Variants in DNAH7 observed in about 807,000 individuals in gnomAD.
DNAH7 encodes the protein axonemal beta dynein heavy chain 7.
A neutral mutation model predicts 444.6 loss-of-function variants in DNAH7; 397 were observed. The ratio of observed to expected loss-of-function variants is 0.89; its 90% CI spans 0.82 to 0.97. The LOEUF (loss-of-function observed/expected upper bound fraction) is 0.97. Ranked by LOEUF, DNAH7 falls within the 50% of genes least tolerant of loss-of-function variation. DNAH7 has a pLI of 0.00. For synonymous variants in DNAH7, 1,636 were observed against 1,624.4 expected (o/e 1.01, Z -0.17); for missense variants, 4,902 against 4,800.8 (o/e 1.02, Z -0.62).
At position 195,799,374 on chromosome 2, in the gene DNAH7, G is replaced by GTGC; in HGVS notation, c.10274_10275insGCA (p.Asn3425delinsLysHis). The GTGC allele has an allele frequency of 6.2e-7, 1 of 1,612,804 alleles. No individual in the cohort carries two copies. Among genetic ancestry groups the GTGC allele is most frequent in the Non-Finnish European group, 8.5e-7 (1 of 1,179,406 alleles). On this transcript the variant is annotated protein_altering_variant, in exon 55 of 65. Transcript: ENST00000312428. ...GCACGAAAATCAGTGGTGCACAGCAGTTACTGTCTCCAAATGCCTTGGCTA... is the reference window on the plus strand; with the variant it reads ...GCACGAAAATCAGTGGTGCACAGCAGTGCTTACTGTCTCCAAATGCCTTGGCTA...
rs180924639 is a variant in DNAH7, at chr2:195,954,028, T to A, written c.3078+3233A>T. Among the ~76,000 whole-genome samples the A allele has an allele frequency of 7.0e-4, 106 of 152,322 alleles. 1 individual carries two copies. In the Middle Eastern group the frequency reaches 0.02, roughly 29 times the overall value. ...GAGAAAGACAATCGAGTCTTTTTTT[T>A]AAATTTTATTAATTATACTTTAAGT... On this transcript the variant is annotated intron_variant, in intron 19 of 64. Transcript: ENST00000312428.
chr2:195,797,842 G>T (rs1320869577), intron 55 of DNAH7, among the ~76,000 whole-genome samples: 1 of 152,158 alleles, frequency 6.6e-6, no homozygotes. Context: ...GTGGCCTCCA[G>T]AGACCCTACA....
In DNAH7 at chr2:195,787,149, T is replaced by C. The variant is rs754161155; in HGVS notation, c.10739A>G (p.Tyr3580Cys). Residue 3580 changes from tyrosine to cysteine, a missense_variant, in exon 58 of 65, where the codon TAT (tyrosine) becomes TGT (cysteine). Physicochemically the swap from Tyr to Cys is radical, Grantham distance 194 (BLOSUM62 -2). Transcript: ENST00000312428. Reference protein sequence around the residue: ...KKPEEFKKLLYGLCFFHALVQ... With the variant: ...KKPEEFKKLLCGLCFFHALVQ... Reference sequence around the variant, plus strand: ...CAAAGCATGAAAGAAACACAGGCCATAAAGCAATTTCTTGAATTCCTCCTG... The same window carrying C: ...CAAAGCATGAAAGAAACACAGGCCACAAAGCAATTTCTTGAATTCCTCCTG... The C allele has an allele frequency of 1.2e-6, 2 of 1,600,520 alleles. No individual in the cohort carries two copies. Among genetic ancestry groups the C allele is most frequent in the African/African-American group, 1.4e-5 (1 of 74,014 alleles).
intron 2 of DNAH7, among the ~76,000 whole-genome samples, chr2:196,056,609 A>C (rs1697825037): frequency 6.6e-6 from 1 of 151,994 alleles, no homozygotes; most frequent in Admixed American, 6.6e-5. Context: ...GATAAATGCT[A>C]TTCCTTGACC....
Position 195,809,747 on chromosome 2 carries a change from C to T in DNAH7, c.9886G>A (p.Ala3296Thr), listed in dbSNP as rs1696875976. ...LTINLLLHER[A>T]INKAEWRFLL... The stretch of plus-strand genomic sequence containing the variant: ...TTACAAATGAAAACAGTACTGACCG[C>T]CCGCTCATGCAGCAGTAGATTTATG... Residue 3296 changes from alanine to threonine, a missense_variant and splice_region_variant, in exon 52 of 65, where the codon GCG becomes ACG. Physicochemically the swap from Ala to Thr is moderately conservative, Grantham distance 58. Transcript: ENST00000312428. 6.3e-7 allele frequency: 1 copy of T among 1,579,392 alleles called. No individual in the cohort carries two copies. The highest frequency in any genetic ancestry group is 1.4e-5 in the African/African-American group (1 of 73,320).
intron 61 of DNAH7, among the ~76,000 whole-genome samples, chr2:195,763,025 A>C (rs560680185): frequency 6.6e-6 from 1 of 152,328 alleles, no homozygotes; most frequent in African/African-American, 2.4e-5. Flanking sequence ...CTCTGACTAC[A>C]TGGAATAAAA....
At chr2:195,870,254 A>G (rs531412003) in intron 40 of DNAH7, among the ~76,000 whole-genome samples, 2 of 152,262 alleles carry the variant, frequency 1.3e-5, no homozygotes, top group South Asian at 4.2e-4. Context: ...GTAAGCCCCA[A>G]ATTTAGAAGG....
At chr2:195,994,359 AG>A in intron 12 of DNAH7, 1 of 662,578 alleles carries the variant, frequency 1.5e-6, no homozygotes. Context: ...CTCTTGCAGC[AG>A]GGGAGGCAGT....
At chr2:195,963,626 T>C (rs1009959387) in intron 17 of DNAH7, among the ~76,000 whole-genome samples, 1 of 152,208 alleles carries the variant, frequency 6.6e-6, no homozygotes, top group Non-Finnish European at 1.5e-5. Flanking sequence ...GTGATCCCAT[T>C]TGTCCACTTT....
At chr2:195,901,818 TAAATC>T (rs879759806) in intron 27 of DNAH7, 5 of 152,180 alleles carry the variant, frequency 3.3e-5, no homozygotes, top group Non-Finnish European at 7.4e-5. Flanking sequence ...TTATTAGAGA[TAAATC>T]AATTTTACAA....
chr2:195,967,684 T>C (rs1691574221), intron 17 of DNAH7, among the ~76,000 whole-genome samples: 1 of 152,222 alleles, frequency 6.6e-6, no homozygotes, highest in South Asian at 2.1e-4. Context: ...TCCTGGCCTG[T>C]AAGGTTCCCA....
Position 195,806,733 on chromosome 2 carries a change from C to T in DNAH7, c.10176+7G>A. ...ATCATTGAGCTGTTTTCAAAGCCCA[C>T]ATTTACCTTGTCTGGCCTCAAGCAA... On this transcript the variant is annotated splice_region_variant and intron_variant, in intron 54 of 64. Transcript: ENST00000312428. The T allele has an allele frequency of 6.2e-7, 1 of 1,612,236 alleles. No individual in the cohort carries two copies. Among genetic ancestry groups the T allele is most frequent in the Middle Eastern group, 1.7e-4 (1 of 6,054 alleles).
At position 195,799,352 on chromosome 2, in the gene DNAH7, C is replaced by T. The variant is rs146114466; in HGVS notation, c.10297G>A (p.Val3433Met). Residue 3433 changes from valine to methionine, a missense_variant, in exon 55 of 65, where the codon GTG becomes ATG. By Grantham distance (21) the Val-to-Met change is conservative (BLOSUM62 1). Coordinates refer to ENST00000312428, the MANE Select transcript of DNAH7 (RefSeq NM_018897.3). ...DSNCCAPLIF[V>M]LSPGADPMAA... The stretch of plus-strand genomic sequence containing the variant: ...ATGGGATCTGCTCCAGGAGAGAGCA[C>T]GAAAATCAGTGGTGCACAGCAGTTA... 269 of 1,611,106 alleles carry T rather than the reference C, an allele frequency of 1.7e-4. 2 individuals carry two copies. Among genetic ancestry groups the T allele is most frequent in the African/African-American group, 1.6e-3 (117 of 74,880 alleles).
intron 5 of DNAH7, among the ~76,000 whole-genome samples, chr2:196,043,159 T>TA (rs564401246): frequency 1.3e-5 from 2 of 152,022 alleles, no homozygotes; most frequent in Non-Finnish European, 2.9e-5. Flanking sequence ...AAAAATTTGC[T>TA]AAAACTCACT....
chr2:196,047,324 C>G (rs1559367551), intron 5 of DNAH7, 28 bp downstream of exon 5: 3 of 1,519,056 alleles, frequency 2.0e-6, no homozygotes, highest in Non-Finnish European at 2.7e-6. Context: ...ACATGGGTAA[C>G]ACGTAATGGT....
intron 54 of DNAH7, among the ~76,000 whole-genome samples, chr2:195,805,456 C>T (rs116673336): frequency 1.8e-3 from 268 of 152,182 alleles, no homozygotes; most frequent in African/African-American, 6.3e-3. Flanking sequence ...TGAGGCTTAA[C>T]ACTAGCATTT....
chr2:195,824,560 C>A, intron 48 of DNAH7, 115 bp from the exon 49 acceptor site: 1 of 874,208 alleles, frequency 1.1e-6, no homozygotes, highest in South Asian at 2.4e-5. Flanking sequence ...TCCTAGATAC[C>A]TACAAAATTA....
At chr2:195,784,912 CTTTT>C (rs36020233) in intron 58 of DNAH7, among the ~76,000 whole-genome samples, 2 of 124,376 alleles carry the variant, frequency 1.6e-5, no homozygotes, top group Non-Finnish European at 3.5e-5. Context: ...ATCTTTGACC[CTTTT>C]TTTTTTTTTT....
At position 196,043,693 on chromosome 2, in the gene DNAH7, A is replaced by C. The variant is rs114732824; in HGVS notation, c.398+3659T>G. On this transcript the variant is annotated intron_variant, in intron 5 of 64. Coordinates refer to ENST00000312428, the MANE Select transcript of DNAH7 (RefSeq NM_018897.3). ...AGAGGACTAATACCCAGAATCTATA[A>C]GGAACTCAAAAAATCAGGAAGAAAA... Among the ~76,000 whole-genome samples the C allele has an allele frequency of 6.3e-3, 957 of 152,230 alleles. 13 individuals are homozygous for C. The highest frequency in any genetic ancestry group is 0.022 in the African/African-American group (923 of 41,520).
Sources: allele counts gnomAD v4.1 joint callset (sites outside exome capture counted in the v4.1 genomes callset), GRCh38; gene constraint gnomAD v4.1.1; transcripts MANE v1.5; gene names NCBI Gene and HGNC (gene_info 2026-07-23, HGNC 2026-07-21).